Variants in HDAC9 observed in about 807,000 individuals in gnomAD.
HDAC9 encodes histone deacetylase 9.
A neutral mutation model predicts 139.4 loss-of-function variants in HDAC9; 41 were observed. The observed-to-expected ratio is 0.29, with a 90% CI of 0.23 to 0.38. The LOEUF (loss-of-function observed/expected upper bound fraction) is 0.38, where lower values mean the gene tolerates loss of function less well. Ranked by LOEUF, HDAC9 falls within the 10% of genes least tolerant of loss-of-function variation. The probability of loss-of-function intolerance (pLI) is 1.00; values close to 1 mark genes in which losing one functional copy is unlikely to be tolerated. For synonymous variants in HDAC9, 517 were observed against 476.2 expected, an observed-to-expected ratio of 1.09 and a Z score of -1.12; for missense variants, 1,147 against 1,297.0, an observed-to-expected ratio of 0.88 and a Z score of 1.78.
chr7:18,940,192 A>G (rs1781929175), intron 23 of HDAC9, among the ~76,000 whole-genome samples: 1 of 152,158 alleles, frequency 6.6e-6, no homozygotes, highest in South Asian at 2.1e-4. Context: ...AGGGGTACCA[A>G]AAAACTTGAT....
chr7:18,160,340 A>G (rs139571652), intron 1 of HDAC9, among the ~76,000 whole-genome samples: 103 of 152,342 alleles, frequency 6.8e-4, no homozygotes, highest in African/African-American at 2.4e-3. Flanking sequence ...TCAGACTACA[A>G]TGTAAAAAAG....
At chr7:18,481,078 T>G (rs1795510565) in intron 1 of HDAC9, among the ~76,000 whole-genome samples, 1 of 152,188 alleles carries the variant, frequency 6.6e-6, no homozygotes, top group Admixed American at 6.5e-5. Context: ...CTCTATTGTT[T>G]TGTGCATTTG....
chr7:18,760,182 T>C (rs780567913), intron 14 of HDAC9, among the ~76,000 whole-genome samples: 1 of 152,156 alleles, frequency 6.6e-6, no homozygotes, highest in Non-Finnish European at 1.5e-5. Context: ...CTGCCAGAAT[T>C]GGTTGCCACA....
intron 12 of HDAC9, among the ~76,000 whole-genome samples, chr7:18,696,455 G>A (rs529520866): frequency 4.0e-5 from 6 of 148,188 alleles, no homozygotes; most frequent in South Asian, 4.2e-4. Flanking sequence ...AATGATCTGC[G>A]GTTGCTTTTC....
At chr7:18,283,807 T>G (rs1797258650) in intron 2 of HDAC9, among the ~76,000 whole-genome samples, 1 of 152,214 alleles carries the variant, frequency 6.6e-6, no homozygotes, top group African/African-American at 2.4e-5. Context: ...TTAAATGATT[T>G]GCTCAAAAGG....
intron 1 of HDAC9, among the ~76,000 whole-genome samples, chr7:18,366,727 A>G (rs1449639562): frequency 6.6e-6 from 1 of 152,098 alleles, no homozygotes; most frequent in Non-Finnish European, 1.5e-5. Flanking sequence ...TTGTAGTTGC[A>G]GAGTTATAAC....
intron 1 of HDAC9, among the ~76,000 whole-genome samples, chr7:18,376,150 A>G (rs1402184948): frequency 6.6e-6 from 1 of 152,096 alleles, no homozygotes. Flanking sequence ...AGGGAGTAAG[A>G]GATACACGGA....
chr7:18,471,829 A>G (rs899455010), intron 1 of HDAC9, among the ~76,000 whole-genome samples: 8 of 152,200 alleles, frequency 5.3e-5, no homozygotes, highest in Admixed American at 3.3e-4. Context: ...AGAGATTACT[A>G]CCAGAAGGAT....
chr7:18,593,053 G>C (rs141322673), intron 5 of HDAC9, among the ~76,000 whole-genome samples: 1 of 152,054 alleles, frequency 6.6e-6, no homozygotes, highest in Non-Finnish European at 1.5e-5. Context: ...GAGTCCAACT[G>C]CAGATAACCA....
intron 12 of HDAC9, among the ~76,000 whole-genome samples, chr7:18,723,709 T>C (rs895757509): frequency 6.8e-6 from 1 of 147,664 alleles, no homozygotes; most frequent in Non-Finnish European, 1.5e-5. Flanking sequence ...AATACTTACT[T>C]ACTATTAAAA....
chr7:18,268,189 A>G (rs1796117447), intron 2 of HDAC9, among the ~76,000 whole-genome samples: 1 of 152,202 alleles, frequency 6.6e-6, no homozygotes, highest in South Asian at 2.1e-4. Context: ...AAAATATTTT[A>G]TAAAATTCAT....
chr7:18,103,217 T>C (rs1782967117), intron 1 of HDAC9, among the ~76,000 whole-genome samples: 1 of 152,198 alleles, frequency 6.6e-6, no homozygotes, highest in Admixed American at 6.5e-5. Flanking sequence ...ACCACATGAT[T>C]CAATTATCTC....
At chr7:18,178,127 A>C (rs1352074377) in intron 2 of HDAC9, among the ~76,000 whole-genome samples, 1 of 125,308 alleles carries the variant, frequency 8.0e-6, no homozygotes, top group Non-Finnish European at 1.6e-5. Context: ...TCTGTCACCC[A>C]GGCTGGAGTG....
At chr7:18,950,197 C>T (rs1295477044) in intron 23 of HDAC9, among the ~76,000 whole-genome samples, 1 of 151,988 alleles carries the variant, frequency 6.6e-6, no homozygotes, top group African/African-American at 2.4e-5. Flanking sequence ...TGGAAGCAAC[C>T]TTTTCTCCTC....
chr7:18,362,147 T>C (rs1348237144), intron 1 of HDAC9, among the ~76,000 whole-genome samples: 1 of 152,232 alleles, frequency 6.6e-6, no homozygotes, highest in African/African-American at 2.4e-5. Context: ...CAGAATGAGC[T>C]GTTAGGCTGC....
intron 2 of HDAC9, among the ~76,000 whole-genome samples, chr7:18,514,899 A>T (rs573299642): frequency 1.1e-4 from 16 of 152,172 alleles, no homozygotes; most frequent in Non-Finnish European, 1.3e-4. Flanking sequence ...GTGAGCTATG[A>T]TCATGCCGCT....
intron 2 of HDAC9, among the ~76,000 whole-genome samples, chr7:18,192,558 T>C (rs1204035328): frequency 6.6e-6 from 1 of 152,164 alleles, no homozygotes; most frequent in African/African-American, 2.4e-5. Context: ...TTGTAGGGGT[T>C]ATATCATTTC....
chr7:18,444,636 T>C (rs1792124101), intron 1 of HDAC9, among the ~76,000 whole-genome samples: 1 of 152,148 alleles, frequency 6.6e-6, no homozygotes, highest in Non-Finnish European at 1.5e-5. Flanking sequence ...AGAACTTTTT[T>C]CTTCCCCACA....
chr7:18,714,413 C>G (rs1784557376), intron 12 of HDAC9, among the ~76,000 whole-genome samples: 1 of 152,178 alleles, frequency 6.6e-6, no homozygotes, highest in African/African-American at 2.4e-5. Context: ...GCTTGAGAGT[C>G]AGCCTCCTTA....
Sources: allele counts gnomAD v4.1 joint callset (sites outside exome capture counted in the v4.1 genomes callset), GRCh38; gene constraint gnomAD v4.1.1; transcripts MANE v1.5; gene names NCBI Gene and HGNC (gene_info 2026-07-23, HGNC 2026-07-21).